ANO10: variants seen among roughly 807,000 people sequenced by gnomAD.
The protein encoded by ANO10 is anoctamin-10.
In ANO10, 77 loss-of-function variants were observed where a neutral mutation model predicts 74.7. The ratio of observed to expected loss-of-function variants is 1.03; its 90% confidence interval spans 0.86 to 1.25. The LOEUF (loss-of-function observed/expected upper bound fraction) is 1.25, where lower values mean the gene tolerates loss of function less well. Among genes scored for constraint, ANO10 ranks in the 50% most tolerant of loss-of-function variants. The probability of loss-of-function intolerance (pLI) is 0.00; values close to 1 mark genes in which losing one functional copy is unlikely to be tolerated. For missense variants in ANO10, 721 were observed against 778.1 expected (o/e 0.93, Z 0.87); for synonymous variants, 279 against 284.9 (o/e 0.98, Z 0.21).
chr3:43,593,563 A>G (rs1025934861), intron 4 of ANO10, among the ~76,000 whole-genome samples: 1 of 152,256 alleles, frequency 6.6e-6, no homozygotes, highest in African/African-American at 2.4e-5. Context: ...AAATGCTGAA[A>G]GATTTTGTCA....
At chr3:43,634,116 C>A (rs1027156946) in intron 1 of ANO10, among the ~76,000 whole-genome samples, 3 of 151,602 alleles carry the variant, frequency 2.0e-5, no homozygotes, top group African/African-American at 7.3e-5. Context: ...AGAAGATGGG[C>A]AGACACACAA....
Position 43,393,606 on chromosome 3 carries a change from C to G in ANO10, c.1915-26632G>C, listed in dbSNP as rs188209125. On this transcript the variant is annotated intron_variant, in intron 12 of 12. Transcript: ENST00000292246. Reference sequence around the variant, plus strand: ...CCTTCCTGCAAATCCCTGGCCAACTCTCCATAGCCCTCCTCTCTTTCCCTC... The same window carrying G: ...CCTTCCTGCAAATCCCTGGCCAACTGTCCATAGCCCTCCTCTCTTTCCCTC... 1.5e-3 allele frequency among the ~76,000 whole-genome samples: 232 copies of G among 152,248 alleles called. 2 individuals are homozygous for G. The highest frequency in any genetic ancestry group is 3.1e-3 in the East Asian group (16 of 5,182).
intron 11 of ANO10, among the ~76,000 whole-genome samples, chr3:43,447,496 T>G (rs1030173238): frequency 2.0e-5 from 3 of 152,210 alleles, no homozygotes; most frequent in African/African-American, 7.2e-5. Context: ...AACCGCCATT[T>G]GCATTTTGCT....
intron 1 of ANO10, among the ~76,000 whole-genome samples, chr3:43,662,859 G>C (rs12490414): frequency 0.051 from 7,693 of 152,236 alleles, 291 homozygotes; most frequent in South Asian, 0.12. Flanking sequence ...TTGAAGCTCT[G>C]AACAGACCAA....
chr3:43,486,129 G>C (rs2076477218), intron 11 of ANO10, among the ~76,000 whole-genome samples: 1 of 152,136 alleles, frequency 6.6e-6, no homozygotes, highest in Admixed American at 6.5e-5. Context: ...TCACAGATCT[G>C]GGAGAGATTG....
At chr3:43,615,942 C>T (rs1031830661) in intron 1 of ANO10, among the ~76,000 whole-genome samples, 30 of 152,166 alleles carry the variant, frequency 2.0e-4, no homozygotes, top group African/African-American at 7.2e-4. Context: ...TGTGAGCCAC[C>T]GCGCCCGGCT....
intron 11 of ANO10, among the ~76,000 whole-genome samples, chr3:43,489,802 G>GA (rs1382448204): frequency 1.3e-5 from 2 of 151,404 alleles, no homozygotes; most frequent in African/African-American, 4.9e-5. Flanking sequence ...TTTGCCTGGT[G>GA]AAAAAAACAA....
At chr3:43,647,153 A>ATGTGTGTGTGTGTGTGTGTG (rs57290936) in intron 1 of ANO10, among the ~76,000 whole-genome samples, 13 of 141,890 alleles carry the variant, frequency 9.2e-5, no homozygotes, top group East Asian at 4.2e-4. Context: ...ATGTGTATAT[A>ATGTGTGTGTGTGTGTGTGTG]TGTGTGTGTG....
intron 1 of ANO10, among the ~76,000 whole-genome samples, chr3:43,687,239 C>T (rs1432435010): frequency 6.6e-6 from 1 of 152,188 alleles, no homozygotes; most frequent in Non-Finnish European, 1.5e-5. Context: ...CCGGCCTGGG[C>T]AACACAGTGA....
intron 10 of ANO10, among the ~76,000 whole-genome samples, chr3:43,552,801 T>C (rs1459375020): frequency 2.0e-5 from 3 of 151,310 alleles, no homozygotes; most frequent in African/African-American, 7.3e-5. Flanking sequence ...ACACACACTA[T>C]TTTCTTTTTG....
intron 11 of ANO10, among the ~76,000 whole-genome samples, chr3:43,492,169 G>A (rs1387553584): frequency 3.9e-5 from 6 of 152,178 alleles, no homozygotes; most frequent in African/African-American, 7.2e-5. Flanking sequence ...TGACAAACCT[G>A]ACACACACAA....
chr3:43,514,727 C>T (rs1458077469), intron 11 of ANO10, among the ~76,000 whole-genome samples: 1 of 152,134 alleles, frequency 6.6e-6, no homozygotes, highest in Non-Finnish European at 1.5e-5. Context: ...TATTATGGGA[C>T]ATTAAATAAG....
chr3:43,619,441 A>G (rs770718813), intron 1 of ANO10, among the ~76,000 whole-genome samples: 1 of 152,228 alleles, frequency 6.6e-6, no homozygotes, highest in Non-Finnish European at 1.5e-5. Context: ...CACCATCGTC[A>G]TCTAAGATGT....
chr3:43,403,130 C>A (rs969467092), intron 12 of ANO10, among the ~76,000 whole-genome samples: 1 of 152,188 alleles, frequency 6.6e-6, no homozygotes, highest in African/African-American at 2.4e-5. Context: ...GAACACTGGA[C>A]CTCACAAATA....
At chr3:43,392,210 A>C (rs1453035230) in intron 12 of ANO10, among the ~76,000 whole-genome samples, 1 of 152,172 alleles carries the variant, frequency 6.6e-6, no homozygotes, top group Non-Finnish European at 1.5e-5. Flanking sequence ...TAGTTTTTAA[A>C]AAGTCAAATC....
chr3:43,527,277 G>A (rs1575345684), intron 11 of ANO10, among the ~76,000 whole-genome samples: 1 of 151,740 alleles, frequency 6.6e-6, no homozygotes, highest in South Asian at 2.1e-4. Flanking sequence ...CATATTAGAG[G>A]TTTACCATTA....
chr3:43,389,867 G>T (rs2092230170), intron 12 of ANO10, among the ~76,000 whole-genome samples: 1 of 152,178 alleles, frequency 6.6e-6, no homozygotes. Context: ...GGGAGGAAGT[G>T]ATGGCTGACC....
At chr3:43,595,313 AAGAGAATTTTAG>A (rs1481362103) in intron 4 of ANO10, among the ~76,000 whole-genome samples, 1 of 152,232 alleles carries the variant, frequency 6.6e-6, no homozygotes, top group African/African-American at 2.4e-5. Flanking sequence ...ACAACAAAAA[AAGAGAATTTTAG>A]ATCAATATCC....
intron 4 of ANO10, among the ~76,000 whole-genome samples, chr3:43,597,192 G>T: frequency 6.6e-6 from 1 of 152,194 alleles, no homozygotes; most frequent in East Asian, 1.9e-4. Flanking sequence ...CAACCATTGT[G>T]GAAGACAGTG....
Sources: allele counts gnomAD v4.1 joint callset (sites outside exome capture counted in the v4.1 genomes callset), GRCh38; gene constraint gnomAD v4.1.1; transcripts MANE v1.5; gene names NCBI Gene and HGNC (gene_info 2026-07-23, HGNC 2026-07-21).